Variants in TMEM38B observed in about 807,000 individuals in gnomAD.
TMEM38B encodes transmembrane protein 38B.
In TMEM38B, 24 loss-of-function variants were observed where a neutral mutation model predicts 28.7. That is an observed-to-expected ratio of 0.84 (90% CI 0.61 to 1.18). The LOEUF (loss-of-function observed/expected upper bound fraction) is 1.18, where lower values mean the gene tolerates loss of function less well. Ranked by LOEUF, TMEM38B falls within the 50% of genes most tolerant of loss-of-function variation. TMEM38B has a pLI of 0.00. For missense variants in TMEM38B, 380 were observed against 350.9 expected, an observed-to-expected ratio of 1.08 and a Z score of -0.66; for synonymous variants, 131 against 127.7, an observed-to-expected ratio of 1.03 and a Z score of -0.17.
In TMEM38B at chr9:105,759,861, A is replaced by G. The variant is rs572069882; in HGVS notation, c.660+11671A>G. 63 of 1,590,294 alleles carry G rather than the reference A, an allele frequency of 4.0e-5. 1 individual carries two copies. The African/African-American group carries it at 7.6e-4, about 19-fold the overall frequency. ...TTTGTAGGTCTCAGAGTTTGCTTTT[A>G]AGAAGTAGTACAAGAAGGAATAGTT... On this transcript the variant is annotated intron_variant, in intron 5 of 5. Coordinates refer to ENST00000374692, the MANE Select transcript of TMEM38B (RefSeq NM_018112.3).
intron 4 of TMEM38B, among the ~76,000 whole-genome samples, chr9:105,724,552 G>A (rs1345695874): frequency 6.6e-6 from 1 of 151,820 alleles, no homozygotes; most frequent in Non-Finnish European, 1.5e-5. Flanking sequence ...GAACCTGGGA[G>A]GCAGAAGTTG....
At chr9:105,725,651 A>G (rs1406188372) in intron 4 of TMEM38B, among the ~76,000 whole-genome samples, 1 of 152,154 alleles carries the variant, frequency 6.6e-6, no homozygotes, top group Non-Finnish European at 1.5e-5. Context: ...TGTAGTGACT[A>G]CTATAGGCAA....
intron 4 of TMEM38B, among the ~76,000 whole-genome samples, chr9:105,727,925 C>T (rs1836576844): frequency 6.6e-6 from 1 of 152,128 alleles, no homozygotes; most frequent in African/African-American, 2.4e-5. Context: ...TTCCCAGTCT[C>T]ACCATGTGAT....
intron 5 of TMEM38B, among the ~76,000 whole-genome samples, chr9:105,752,922 A>T (rs1478767304): frequency 6.6e-6 from 1 of 152,228 alleles, no homozygotes; most frequent in African/African-American, 2.4e-5. Context: ...AAGAATCATG[A>T]TAAAACGATA....
At chr9:105,768,366 A>G (rs1033463040) in intron 5 of TMEM38B, among the ~76,000 whole-genome samples, 3 of 151,982 alleles carry the variant, frequency 2.0e-5, no homozygotes, top group Non-Finnish European at 4.4e-5. Context: ...CAGTGTGCTA[A>G]TGGATATTGG....
chr9:105,702,738 T>G (rs987102384), intron 1 of TMEM38B: 8 of 152,188 alleles, frequency 5.3e-5, no homozygotes, highest in African/African-American at 1.9e-4. Context: ...CTGAGTGCAT[T>G]GGCACTATCA....
intron 5 of TMEM38B, among the ~76,000 whole-genome samples, chr9:105,766,987 G>A (rs1004513273): frequency 2.0e-5 from 3 of 148,822 alleles, no homozygotes; most frequent in Admixed American, 6.9e-5. Flanking sequence ...GAGAACATGC[G>A]GTGTTTAGTT....
chr9:105,695,103 A>G (rs1205850490), intron 1 of TMEM38B, among the ~76,000 whole-genome samples: 1 of 147,910 alleles, frequency 6.8e-6, no homozygotes, highest in Non-Finnish European at 1.5e-5. Context: ...AGCGTTTCGG[A>G]ACCACAGATA....
At chr9:105,721,859 C>T in intron 3 of TMEM38B, 138 bp downstream of exon 3, 2 of 645,790 alleles carry the variant, frequency 3.1e-6, no homozygotes, top group Non-Finnish European at 4.8e-6. Flanking sequence ...AACCTTGTTT[C>T]TGTTGGCTGG....
intron 5 of TMEM38B, chr9:105,760,396 GA>G: frequency 1.3e-6 from 1 of 746,870 alleles, no homozygotes; most frequent in Non-Finnish European, 2.5e-6. Context: ...GACTGCAGTG[GA>G]AAAACATCTT....
At chr9:105,695,985 T>C (rs1158343087) in intron 1 of TMEM38B, among the ~76,000 whole-genome samples, 1 of 152,248 alleles carries the variant, frequency 6.6e-6, no homozygotes, top group African/African-American at 2.4e-5. Flanking sequence ...TTGTATAGGC[T>C]GAATCAGATG....
rs769949860 is a variant in TMEM38B at position 105,759,358 on chromosome 9, T to G, written c.660+11168T>G. ...TTCAAATCAATGGAGTGCCTTCTTCTCAGTCTGCTTCATAGAGAAAAAAGA... is the reference window on the plus strand; with the variant it reads ...TTCAAATCAATGGAGTGCCTTCTTCGCAGTCTGCTTCATAGAGAAAAAAGA... On this transcript the variant is annotated intron_variant, in intron 5 of 5. Coordinates refer to ENST00000374692, the MANE Select transcript of TMEM38B (RefSeq NM_018112.3). 20 of 1,253,652 alleles carry G rather than the reference T, an allele frequency of 1.6e-5. No individual in the cohort carries two copies. In the East Asian group the frequency reaches 1.9e-4, roughly 12 times the overall value. The allele number at this position is 1,253,652 out of a possible 1,614,324, so 77.7% of individuals were successfully genotyped here.
In TMEM38B at chr9:105,708,587, G is replaced by A. The variant is rs114591623; in HGVS notation, c.269+2834G>A. 5.0e-3 allele frequency among the ~76,000 whole-genome samples: 762 copies of A among 152,180 alleles called. 12 individuals are homozygous for A. Among genetic ancestry groups the A allele is most frequent in the African/African-American group, 0.018 (729 of 41,532 alleles). ...TCGCTTTCACTTTCTTTTATGTAACGTCTTACAACTCTATTCTTGCTCAGT... is the reference window on the plus strand; with the variant it reads ...TCGCTTTCACTTTCTTTTATGTAACATCTTACAACTCTATTCTTGCTCAGT... On this transcript the variant is annotated intron_variant, in intron 2 of 5. Transcript: ENST00000374692.
chr9:105,744,440 G>A (rs988430385), intron 4 of TMEM38B, among the ~76,000 whole-genome samples: 6 of 151,954 alleles, frequency 3.9e-5, no homozygotes, highest in South Asian at 2.1e-4. Context: ...GAATAGGATC[G>A]TAGCACTGTC....
intron 4 of TMEM38B, among the ~76,000 whole-genome samples, chr9:105,734,661 A>G (rs1836902678): frequency 1.3e-5 from 2 of 152,050 alleles, no homozygotes; most frequent in Admixed American, 1.3e-4. Context: ...TTCTTGATGA[A>G]TTGACTTTTT....
In TMEM38B at chr9:105,718,640, A is replaced by G. The variant is rs564812052; in HGVS notation, c.270-2897A>G. On this transcript the variant is annotated intron_variant, in intron 2 of 5. Transcript: ENST00000374692. ...TAGCTCATAGTGTATACATCTGGAAATTAGCACCATCTACTGGCAAAGAGA... is the reference window on the plus strand; with the variant it reads ...TAGCTCATAGTGTATACATCTGGAAGTTAGCACCATCTACTGGCAAAGAGA... Among the ~76,000 whole-genome samples, 5 of 152,322 alleles carry G rather than the reference A, an allele frequency of 3.3e-5. No homozygotes were observed. In the East Asian group the frequency reaches 9.6e-4, roughly 29 times the overall value.
rs904680886 is a variant in TMEM38B, at chr9:105,734,517, T to C, written c.542+11896T>C. 3.9e-5 allele frequency among the ~76,000 whole-genome samples: 6 copies of C among 152,212 alleles called. No individual in the cohort carries two copies. In the East Asian group the frequency reaches 7.7e-4, roughly 20 times the overall value. ...TTATTAATGCTTTCTCTGGTTGATA[T>C]GTGTTGAAAGTGAGGTATTGACGTA... On this transcript the variant is annotated intron_variant, in intron 4 of 5. Coordinates refer to ENST00000374692, the MANE Select transcript of TMEM38B (RefSeq NM_018112.3).
intron 5 of TMEM38B, among the ~76,000 whole-genome samples, chr9:105,750,029 T>G (rs1837588554): frequency 6.6e-6 from 1 of 152,206 alleles, no homozygotes; most frequent in South Asian, 2.1e-4. Flanking sequence ...CTAGCGCATA[T>G]TATTGTCTTT....
intron 5 of TMEM38B, among the ~76,000 whole-genome samples, chr9:105,756,080 CAG>C (rs1837820096): frequency 6.6e-6 from 1 of 152,144 alleles, no homozygotes; most frequent in Non-Finnish European, 1.5e-5. Context: ...AATACAAAAA[CAG>C]AGGTTTCAGT....
Sources: gnomAD v4.1 joint callset for allele counts (sites outside exome capture counted in the v4.1 genomes callset) on GRCh38, gnomAD v4.1.1 for gene constraint, MANE v1.5 for transcripts, NCBI Gene and HGNC (gene_info 2026-07-23, HGNC 2026-07-21) for gene names.